Variants in MATCAP2 observed in about 807,000 individuals in gnomAD.
MATCAP2 encodes the protein putative tyrosine carboxypeptidase MATCAP2.
At chr7:36,340,075 G>A in the MATCAP2 span, among the ~76,000 whole-genome samples, 1 of 152,140 alleles carries the variant, frequency 6.6e-6, no homozygotes, top group African/African-American at 2.4e-5. Flanking sequence ...TGTTGGCCAG[G>A]CTGGTCTCGA....
At chr7:36,355,127 T>C in the MATCAP2 span, 2 of 152,226 alleles carry the variant, frequency 1.3e-5, no homozygotes, top group Non-Finnish European at 2.9e-5. Flanking sequence ...AAAGCCTTGT[T>C]CAATCGACTA....
chr7:36,352,462 A>G, the MATCAP2 span, among the ~76,000 whole-genome samples: 1 of 150,554 alleles, frequency 6.6e-6, no homozygotes, highest in Non-Finnish European at 1.5e-5. Context: ...TACTGCAACT[A>G]TACTGTTTCA....
chr7:36,328,203 G>A, the MATCAP2 span, among the ~76,000 whole-genome samples: 6 of 134,680 alleles, frequency 4.5e-5, no homozygotes, highest in Admixed American at 1.6e-4. Flanking sequence ...CTACAGACAT[G>A]TGCCACCATG....
chr7:36,326,990 T>A, the MATCAP2 span: 1 of 1,387,878 alleles, frequency 7.2e-7, no homozygotes, highest in Non-Finnish European at 9.9e-7. Flanking sequence ...ATTTCTTCCC[T>A]GGGCCTTAAA....
the MATCAP2 span, among the ~76,000 whole-genome samples, chr7:36,350,391 T>C: frequency 4.6e-5 from 7 of 152,226 alleles, no homozygotes; most frequent in Non-Finnish European, 8.8e-5. Flanking sequence ...CACATTTAAG[T>C]CTTTGCCATA....
chr7:36,336,209 G>A, the MATCAP2 span: 6 of 1,536,380 alleles, frequency 3.9e-6, no homozygotes, highest in South Asian at 7.1e-5. Context: ...CCAGATTCGA[G>A]TTTTAGAGAG....
chr7:36,334,975 T>C, the MATCAP2 span: 1 of 1,447,532 alleles, frequency 6.9e-7, no homozygotes, highest in South Asian at 1.3e-5. Context: ...AAAAAACCCC[T>C]TCTAAAAGAA....
the MATCAP2 span, chr7:36,330,980 A>T: frequency 6.3e-7 from 1 of 1,593,948 alleles, no homozygotes; most frequent in Non-Finnish European, 8.6e-7. Flanking sequence ...GCTTCTACTC[A>T]CCTTCCCGAG....
At chr7:36,356,805 T>C in the MATCAP2 span, 6 of 1,044,600 alleles carry the variant, frequency 5.7e-6, no homozygotes, top group Admixed American at 3.8e-5. Flanking sequence ...TAGAAATAAT[T>C]TGAATATTTT....
chr7:36,326,032 T>C, the MATCAP2 span: 3 of 151,982 alleles, frequency 2.0e-5, no homozygotes, highest in Non-Finnish European at 2.9e-5. Context: ...TTTGTACTTA[T>C]TTTTATAAAG....
At chr7:36,363,350 T>C in the MATCAP2 span, among the ~76,000 whole-genome samples, 3 of 152,228 alleles carry the variant, frequency 2.0e-5, no homozygotes, top group South Asian at 2.1e-4. Context: ...ATAAAGCCGA[T>C]AGGCAATCAT....
the MATCAP2 span, chr7:36,357,386 G>A: frequency 6.2e-7 from 1 of 1,614,150 alleles, no homozygotes; most frequent in East Asian, 2.2e-5. Flanking sequence ...GGAGTAGGTG[G>A]AGGAAGACTG....
chr7:36,383,831 A>G, the MATCAP2 span: 1 of 1,470,052 alleles, frequency 6.8e-7, no homozygotes. Context: ...TAAAAAGTGT[A>G]AAAGAAGTGG....
chr7:36,376,445 G>A, the MATCAP2 span, among the ~76,000 whole-genome samples: 1 of 152,176 alleles, frequency 6.6e-6, no homozygotes, highest in African/African-American at 2.4e-5. Context: ...ATTGCAGTGT[G>A]GTCTGAGAGA....
At chr7:36,365,217 T>G in the MATCAP2 span, among the ~76,000 whole-genome samples, 1 of 152,336 alleles carries the variant, frequency 6.6e-6, no homozygotes, top group Non-Finnish European at 1.5e-5. Flanking sequence ...AATTTTAATC[T>G]ATGTGATTTC....
chr7:36,369,265 C>T, the MATCAP2 span, among the ~76,000 whole-genome samples: 17 of 152,082 alleles, frequency 1.1e-4, no homozygotes, highest in Non-Finnish European at 2.4e-4. Flanking sequence ...GACCAATAGA[C>T]GAAGAACAAA....
At chr7:36,332,991 A>AAGGCAGCAGCCCCTT in the MATCAP2 span, among the ~76,000 whole-genome samples, 1 of 152,018 alleles carries the variant, frequency 6.6e-6, no homozygotes, top group African/African-American at 2.4e-5. Flanking sequence ...CTCTGAAAGA[A>AAGGCAGCAGCCCCTT]AGGCAGCAGC....
At chr7:36,359,417 G>T in the MATCAP2 span, among the ~76,000 whole-genome samples, 1 of 152,190 alleles carries the variant, frequency 6.6e-6, no homozygotes. Context: ...AGGAGTCACA[G>T]AGTCTAGGGT....
the MATCAP2 span, chr7:36,326,962 T>G: frequency 6.6e-7 from 1 of 1,521,116 alleles, no homozygotes; most frequent in African/African-American, 1.4e-5. Flanking sequence ...GTAACTACAA[T>G]GTACATTTTA....
Sources: gnomAD v4.1 joint callset for allele counts (sites outside exome capture counted in the v4.1 genomes callset) on GRCh38, gnomAD v4.1.1 for gene constraint, MANE v1.5 for transcripts, NCBI Gene and HGNC (gene_info 2026-07-23, HGNC 2026-07-21) for gene names.